SCAF4: variants seen among roughly 807,000 people sequenced by gnomAD.
SCAF4 encodes the protein SR-related and CTD-associated factor 4.
SCAF4 carries 25 observed loss-of-function variants against 129.8 expected under a neutral mutation model. That is an observed-to-expected ratio of 0.19 (90% CI 0.14 to 0.27). SCAF4 has a LOEUF of 0.27. SCAF4 is among the 10% of genes least tolerant of loss of function. The pLI, the probability that SCAF4 is intolerant of heterozygous loss-of-function variation, is 1.00. For missense variants in SCAF4, 1,246 were observed against 1,457.1 expected (o/e 0.86, Z 2.36); for synonymous variants, 551 against 497.7 (o/e 1.11, Z -1.43).
In SCAF4 at chr21:31,671,098, T is replaced by C. The variant is rs1267977518; in HGVS notation, c.*301A>G. 1 of 258,344 alleles carries C rather than the reference T, an allele frequency of 3.9e-6. No homozygotes were observed. Among genetic ancestry groups the C allele is most frequent in the Non-Finnish European group, 7.2e-6 (1 of 139,058 alleles). 16.0% of individuals were successfully genotyped at this position (258,344 alleles called of 1,614,324 possible). ...TTTTGAGGAGCTTTCACCGTTACCT[T>C]GTCTTAAATTAAAAAAAAAAAAAAA... On this transcript the variant is annotated 3_prime_UTR_variant, in exon 20 of 20. Coordinates refer to ENST00000286835, the MANE Select transcript of SCAF4 (RefSeq NM_020706.2).
chr21:31,671,395 GTC>G lies in SCAF4; in HGVS notation c.*2_*3del. On this transcript the variant is annotated 3_prime_UTR_variant, in exon 20 of 20. Transcript: ENST00000286835. ...CACTGTCACATTTTCACAAATTCCA[GTC>G]TCTAACGAGGAGCCTCTGCTGCTGA... 1 of 1,611,234 alleles carries G rather than the reference GTC, an allele frequency of 6.2e-7. No homozygotes were observed. The highest frequency in any genetic ancestry group is 1.1e-5 in the South Asian group (1 of 90,956).
intron 19 of SCAF4, 93 bp downstream of exon 19, chr21:31,684,956 A>C: frequency 1.7e-6 from 1 of 603,882 alleles, no homozygotes; most frequent in Non-Finnish European, 2.8e-6. Context: ...CAAAATTAAC[A>C]TTGTTTTTTT....
At chr21:31,705,333 G>T in intron 3 of SCAF4, 90 bp downstream of exon 3, 2 of 613,076 alleles carry the variant, frequency 3.3e-6, no homozygotes, top group Non-Finnish European at 5.6e-6. Context: ...TTTATGAAGT[G>T]GTTTAGAAAC....
chr21:31,729,615 G>A (rs1468260148), intron 1 of SCAF4, among the ~76,000 whole-genome samples: 1 of 152,298 alleles, frequency 6.6e-6, no homozygotes, highest in East Asian at 1.9e-4. Context: ...TAGTTGAGAA[G>A]CACTACAAAT....
intron 7 of SCAF4, among the ~76,000 whole-genome samples, chr21:31,699,548 A>C (rs910594628): frequency 5.3e-5 from 8 of 151,968 alleles, no homozygotes; most frequent in Non-Finnish European, 1.2e-4. Flanking sequence ...TACTCAAAAA[A>C]ATGTATCCAA....
intron 1 of SCAF4, among the ~76,000 whole-genome samples, chr21:31,715,090 T>C (rs983794238): frequency 6.6e-6 from 1 of 152,322 alleles, no homozygotes; most frequent in East Asian, 1.9e-4. Flanking sequence ...AATTACACTT[T>C]TGAGGTCAGA....
intron 1 of SCAF4, among the ~76,000 whole-genome samples, chr21:31,730,000 C>T (rs1424645618): frequency 6.6e-6 from 1 of 152,244 alleles, no homozygotes; most frequent in Non-Finnish European, 1.5e-5. Flanking sequence ...TCATCAAAAA[C>T]ATTCATTCTT....
At chr21:31,722,341 T>C (rs1282903242) in intron 1 of SCAF4, among the ~76,000 whole-genome samples, 1 of 152,184 alleles carries the variant, frequency 6.6e-6, no homozygotes, top group African/African-American at 2.4e-5. Flanking sequence ...AATCCTATTG[T>C]ACCTATATAC....
intron 1 of SCAF4, among the ~76,000 whole-genome samples, chr21:31,714,843 A>C (rs1162824716): frequency 6.6e-6 from 1 of 151,734 alleles, no homozygotes; most frequent in Non-Finnish European, 1.5e-5. Flanking sequence ...TACCTAACAC[A>C]TAAGTGCTGA....
At chr21:31,701,702 T>C (rs1398610533) in intron 6 of SCAF4, 74 bp downstream of exon 6, 5 of 1,458,092 alleles carry the variant, frequency 3.4e-6, no homozygotes, top group Non-Finnish European at 2.8e-6. Context: ...TGCTTATTAA[T>C]GAAGAATAGA....
intron 15 of SCAF4, among the ~76,000 whole-genome samples, chr21:31,690,585 A>G (rs1303482105): frequency 6.6e-6 from 1 of 152,252 alleles, no homozygotes; most frequent in Non-Finnish European, 1.5e-5. Context: ...TAATTCATAG[A>G]TCCCATAATC....
At chr21:31,699,150 A>G (rs1327379192) in intron 7 of SCAF4, among the ~76,000 whole-genome samples, 1 of 152,226 alleles carries the variant, frequency 6.6e-6, no homozygotes, top group Admixed American at 6.5e-5. Context: ...AACAGTGTCC[A>G]GAGATAAGAC....
rs1601192829 is a variant in SCAF4, at chr21:31,685,148, C to T, written c.2389G>A (p.Glu797Lys). The T allele has an allele frequency of 3.7e-6, 6 of 1,612,954 alleles. No homozygotes were observed. Among genetic ancestry groups the T allele is most frequent in the Non-Finnish European group, 5.1e-6 (6 of 1,179,710 alleles). Residue 797 changes from glutamate (E) to lysine (K), a missense_variant, in exon 19 of 20, where the codon GAG becomes AAG. By Grantham distance (56) the Glu-to-Lys change is moderately conservative (BLOSUM62 1). Transcript: ENST00000286835. ...TVVSGARGNA[E>K]SGDSVKMYGS... ...TACATTTTCACGCTGTCACCAGACT[C>T]GGCGTTTCCTCTAGCCCCAGACACC...
At chr21:31,712,222 C>CTTTTTTTTTTTTTTTTT (rs11408552) in intron 1 of SCAF4, among the ~76,000 whole-genome samples, 4 of 135,436 alleles carry the variant, frequency 3.0e-5, no homozygotes, top group African/African-American at 1.1e-4. Flanking sequence ...TTGTTTGTTG[C>CTTTTTTTTTTTTTTTTT]TTTTTTTTTT....
At chr21:31,699,684 A>T (rs1452047871) in intron 7 of SCAF4, among the ~76,000 whole-genome samples, 3 of 152,192 alleles carry the variant, frequency 2.0e-5, no homozygotes, top group Non-Finnish European at 4.4e-5. Context: ...AGGATGTTGG[A>T]AAGAATCAGA....
intron 1 of SCAF4, among the ~76,000 whole-genome samples, chr21:31,713,858 T>G (rs1008302572): frequency 1.3e-5 from 2 of 152,088 alleles, no homozygotes; most frequent in African/African-American, 2.4e-5. Context: ...AGACAACAGA[T>G]TCAAAGATAA....
chr21:31,707,747 T>C (rs892607968), intron 1 of SCAF4, among the ~76,000 whole-genome samples: 1 of 152,164 alleles, frequency 6.6e-6, no homozygotes, highest in Admixed American at 6.5e-5. Flanking sequence ...TAGACTAAAA[T>C]ATGAGTGTTT....
chr21:31,725,993 ATATC>A (rs1177231605), intron 1 of SCAF4, among the ~76,000 whole-genome samples: 2 of 152,044 alleles, frequency 1.3e-5, no homozygotes, highest in Non-Finnish European at 2.9e-5. Context: ...AATATGGTAA[ATATC>A]AATAAATATA....
chr21:31,689,229 G>C (rs1027461786), intron 15 of SCAF4, among the ~76,000 whole-genome samples: 6 of 151,926 alleles, frequency 3.9e-5, no homozygotes, highest in Admixed American at 6.6e-5. Flanking sequence ...AGTGGGATGT[G>C]GGAATAGTAC....
Sources: allele counts gnomAD v4.1 joint callset (sites outside exome capture counted in the v4.1 genomes callset), GRCh38; gene constraint gnomAD v4.1.1; transcripts MANE v1.5; gene names NCBI Gene and HGNC (gene_info 2026-07-23, HGNC 2026-07-21).